LTBR: variants seen among roughly 807,000 people sequenced by gnomAD.
The protein encoded by LTBR is tumor necrosis factor receptor superfamily member 3.
In LTBR, 15 loss-of-function variants were observed where a neutral mutation model predicts 45.4. The ratio of observed to expected loss-of-function variants is 0.33; its 90% CI spans 0.22 to 0.51. The LOEUF is 0.51. Among genes scored for constraint, LTBR ranks in the 20% least tolerant of loss-of-function variants. LTBR has a pLI of 0.97. For missense variants in LTBR, 450 were observed against 565.5 expected, an observed-to-expected ratio of 0.80 and a Z score of 2.07; for synonymous variants, 228 against 231.0, an observed-to-expected ratio of 0.99 and a Z score of 0.12.
intron 1 of LTBR, chr12:6,377,645 C>T (rs1230651645): frequency 4.6e-6 from 6 of 1,308,104 alleles, no homozygotes; most frequent in East Asian, 1.0e-4. Context: ...AAACTCCAGT[C>T]TCCCTTGAGC....
chr12:6,377,373 G>C (rs1430327788), intron 1 of LTBR: 1 of 969,106 alleles, frequency 1.0e-6, no homozygotes, highest in Non-Finnish European at 1.6e-6. Context: ...AAACAAAATA[G>C]GAGCAGAGCT....
At chr12:6,387,087 C>A (rs1156637385) in intron 6 of LTBR, 1 of 152,262 alleles carries the variant, frequency 6.6e-6, no homozygotes, top group Non-Finnish European at 1.5e-5. Flanking sequence ...CAAGATCACC[C>A]ACACAGGTGG....
chr12:6,377,668 T>C (rs765089078), intron 1 of LTBR: 75 of 1,301,904 alleles, frequency 5.8e-5, no homozygotes, highest in Admixed American at 3.2e-4. Context: ...GGTCCTTACA[T>C]TGGGCATGGT....
In LTBR at chr12:6,384,197, G is replaced by A; in HGVS notation, c.-162G>A. ...CCTGAGCTCCGCCATGGGAGCCCTG[G>A]AGGCCCGGCCTGGCCGCTCCCGGCC... On this transcript the variant is annotated 5_prime_UTR_variant, in exon 1 of 10. Coordinates refer to ENST00000228918, the MANE Select transcript of LTBR (RefSeq NM_002342.3). The A allele has an allele frequency of 7.6e-7, 1 of 1,310,124 alleles. No homozygotes were observed. Among genetic ancestry groups the A allele is most frequent in the Non-Finnish European group, 9.7e-7 (1 of 1,033,950 alleles). 81.2% of individuals were successfully genotyped at this position (1,310,124 alleles called of 1,614,324 possible).
chr12:6,390,483 G>A, intron 9 of LTBR, 143 bp downstream of exon 9: 1 of 989,814 alleles, frequency 1.0e-6, no homozygotes, highest in Non-Finnish European at 1.5e-6. Context: ...AACTAGAGAA[G>A]AGGGAAGAGA....
chr12:6,383,162 G>T (rs1166843426), upstream of LTBR, among the ~76,000 whole-genome samples: 1 of 152,192 alleles, frequency 6.6e-6, no homozygotes, highest in African/African-American at 2.4e-5. Context: ...CTAGGGCAGA[G>T]GTTGCCTTCC....
rs747818245 is a variant in LTBR at position 6,390,948 on chromosome 12, G to C, written c.*11G>C. The stretch of plus-strand genomic sequence containing the variant: ...ATCACCCATGACTGACTGAGTCTGA[G>C]AAAAGGCAGAAGAAGGGGGGCACAA... On this transcript the variant is annotated 3_prime_UTR_variant, in exon 10 of 10. Coordinates refer to ENST00000228918, the MANE Select transcript of LTBR (RefSeq NM_002342.3). 19 of 1,515,516 alleles carry C rather than the reference G, an allele frequency of 1.3e-5. No individual in the cohort carries two copies. The highest frequency in any genetic ancestry group is 1.7e-5 in the Non-Finnish European group (19 of 1,130,028). The allele number at this position is 1,515,516 out of a possible 1,614,324, so 93.9% of individuals were successfully genotyped here. A position where few individuals can be genotyped will look rare whatever the true frequency, so the allele number is the denominator to read the frequency against.
At chr12:6,375,292 C>T, upstream of LTBR, 2 of 1,439,214 alleles carry the variant, frequency 1.4e-6, no homozygotes, top group Non-Finnish European at 1.8e-6. Context: ...CTCTCTTCCT[C>T]TCCCCCCCTT....
chr12:6,386,497 A>C lies in LTBR; in HGVS notation c.667+53A>C. 2 of 1,346,018 alleles carry C rather than the reference A, an allele frequency of 1.5e-6. No homozygotes were observed. The highest frequency in any genetic ancestry group is 2.1e-6 in the Non-Finnish European group (2 of 944,114). The allele number at this position is 1,346,018 out of a possible 1,614,324, so 83.4% of individuals were successfully genotyped here. A position where few individuals can be genotyped will look rare whatever the true frequency, so the allele number is the denominator to read the frequency against. On this transcript the variant is annotated intron_variant, in intron 6 of 9. Coordinates refer to ENST00000228918, the MANE Select transcript of LTBR (RefSeq NM_002342.3). The surrounding 1 kb of genome is among the most constrained non-coding windows in gnomAD (Gnocchi z 4.1). ...GGGGGGCGCCTCTGAAAATGCCTTA[A>C]TGCTCCACATCTTAAAAAAAATGGG...
chr12:6,390,586 A>C (rs1949102000), intron 9 of LTBR, 74 bp from the exon 10 acceptor site: 3 of 1,427,910 alleles, frequency 2.1e-6, no homozygotes, highest in Non-Finnish European at 9.4e-7. Flanking sequence ...GGCGAGAAGA[A>C]GGCAAGAATT....
rs1016526470 is a variant in LTBR, at chr12:6,391,360, T to C, written c.*423T>C. The C allele has an allele frequency of 1.3e-5, 2 of 157,158 alleles. No individual in the cohort carries two copies. The highest frequency in any genetic ancestry group is 4.8e-5 in the African/African-American group (2 of 41,696). The allele number at this position is 157,158 out of a possible 1,614,324, so 9.7% of individuals were successfully genotyped here. A position where few individuals can be genotyped will look rare whatever the true frequency, so the allele number is the denominator to read the frequency against. On this transcript the variant is annotated 3_prime_UTR_variant, in exon 10 of 10. Transcript: ENST00000228918. ...TCAGAGACCCTTTGGGGTTCCACAC[T>C]TCACGTGGACTGAGGTAGACCCTGC...
In LTBR at chr12:6,386,582, T is replaced by C. The variant is rs1396338479; in HGVS notation, c.667+138T>C. On this transcript the variant is annotated intron_variant, in intron 6 of 9. Transcript: ENST00000228918. This position sits in a 1 kb window ranked among gnomAD's most constrained non-coding sequence, Gnocchi z 4.1. ...AGAAGAAAGTTCCTTACAGAAAAAA[T>C]TGGAGTATCTCTAGGCTAGTTTACA... The C allele has an allele frequency of 2.0e-5, 13 of 648,154 alleles. No individual in the cohort carries two copies. The highest frequency in any genetic ancestry group is 7.3e-4 in the Middle Eastern group (2 of 2,724). The allele number at this position is 648,154 out of a possible 1,614,324, so 40.2% of individuals were successfully genotyped here.
intron 4 of LTBR, chr12:6,385,632 T>C (rs1254072921): frequency 9.0e-5 from 48 of 533,370 alleles, no homozygotes; most frequent in Non-Finnish European, 1.5e-4. Flanking sequence ...GTAGGCCGGG[T>C]GTGGTGGCCC....
chr12:6,384,001 G>A (rs1367535899), upstream of LTBR: 1 of 1,143,010 alleles, frequency 8.7e-7, no homozygotes, highest in Non-Finnish European at 1.1e-6. Context: ...GAAGAAGGGA[G>A]GAGGCCGGTT....
chr12:6,390,465 A>G (rs1404578991), intron 9 of LTBR, 125 bp downstream of exon 9: 3 of 991,274 alleles, frequency 3.0e-6, no homozygotes, highest in African/African-American at 1.6e-5. Flanking sequence ...GCTGCCAGTC[A>G]GTGTCACAAC....
Position 6,375,483 on chromosome 12 carries a change from C to T in LTBR, c.-73C>T. 3.3e-6 allele frequency: 5 copies of T among 1,535,622 alleles called. 1 individual carries two copies. In the South Asian group the frequency reaches 5.9e-5, roughly 18 times the overall value. The stretch of plus-strand genomic sequence containing the variant: ...GTTCCTTTCCAGTTGAATCTGGCAG[C>T]CAAACCTCTCCTCCCCCTCACCTGA... On this transcript the variant is annotated 5_prime_UTR_variant, in exon 1 of 10. Coordinates refer to the LTBR transcript ENST00000539925.
At position 6,390,986 on chromosome 12, in the gene LTBR, C is replaced by T. The variant is rs879138585; in HGVS notation, c.*49C>T. 2 of 1,489,780 alleles carry T rather than the reference C, an allele frequency of 1.3e-6. No homozygotes were observed. The highest frequency in any genetic ancestry group is 8.9e-7 in the Non-Finnish European group (1 of 1,119,184). 92.3% of individuals were successfully genotyped at this position (1,489,780 alleles called of 1,614,324 possible). A position where few individuals can be genotyped will look rare whatever the true frequency, so the allele number is the denominator to read the frequency against. ...AAGGGGGGCACAAGGGCACCTTCTC[C>T]CTTGAGGCTGCCCTGCCCACGTGGG... On this transcript the variant is annotated 3_prime_UTR_variant, in exon 10 of 10. Coordinates refer to ENST00000228918, the MANE Select transcript of LTBR (RefSeq NM_002342.3).
chr12:6,377,951 C>G lies in LTBR; in HGVS notation c.39+2357C>G, dbSNP rs562249858. On this transcript the variant is annotated intron_variant, in intron 1 of 9. Coordinates refer to the LTBR transcript ENST00000539925. ...TGCAGCATTCTAGACCTGGAGCGGG[C>G]TAGAACAGGCTTGGTGTTGTGAGGA... is the stretch of plus-strand genomic sequence containing the variant. 9.8e-5 allele frequency among the ~76,000 whole-genome samples: 15 copies of G among 152,334 alleles called. No homozygotes were observed. In the South Asian group the frequency reaches 2.9e-3, roughly 29 times the overall value.
chr12:6,377,426 A>G, intron 1 of LTBR: 1 of 698,586 alleles, frequency 1.4e-6, no homozygotes, highest in East Asian at 2.7e-5. Context: ...GGGGCTATCT[A>G]CTTAGCGCTT....
Sources: allele counts gnomAD v4.1 joint callset (sites outside exome capture counted in the v4.1 genomes callset), GRCh38; gene constraint gnomAD v4.1.1; non-coding constraint Gnocchi (gnomAD v3.1); transcripts MANE v1.5; gene names NCBI Gene and HGNC (gene_info 2026-07-23, HGNC 2026-07-21).